Variants in PID1 observed in about 807,000 individuals in gnomAD.
PID1 encodes the protein phosphotyrosine interaction domain containing 1.
A neutral mutation model predicts 19.1 loss-of-function variants in PID1; 10 were observed. The observed-to-expected ratio is 0.52, with a 90% confidence interval of 0.32 to 0.89. PID1 has a LOEUF of 0.89. Ranked by LOEUF, PID1 falls within the 40% of genes least tolerant of loss-of-function variation. The pLI, the probability that PID1 is intolerant of heterozygous loss-of-function variation, is 0.03. For missense variants in PID1, 248 were observed against 285.3 expected, an observed-to-expected ratio of 0.87 and a Z score of 0.94; for synonymous variants, 130 against 116.0, an observed-to-expected ratio of 1.12 and a Z score of -0.78.
Position 229,271,202 on chromosome 2 carries a change from G to T in PID1, c.-159C>A. ...GCCGGGTGGGCGTAGGGGGCTGCGA[G>T]CAGGAGGAGGCGCGGCGCTCAGCTG... On this transcript the variant is annotated 5_prime_UTR_variant, in exon 1 of 3. Coordinates refer to ENST00000392055, the MANE Select transcript of PID1 (RefSeq NM_001100818.2). The T allele has an allele frequency of 1.5e-6, 1 of 662,042 alleles. No individual in the cohort carries two copies. The highest frequency in any genetic ancestry group is 2.4e-6 in the Non-Finnish European group (1 of 416,540). 41.0% of individuals were successfully genotyped at this position (662,042 alleles called of 1,614,324 possible).
intron 2 of PID1, among the ~76,000 whole-genome samples, chr2:229,111,324 A>C (rs1189311879): frequency 1.3e-5 from 2 of 152,214 alleles, no homozygotes; most frequent in African/African-American, 2.4e-5. Flanking sequence ...CCCAGGTAGG[A>C]GTGAGGCAGG....
intron 2 of PID1, among the ~76,000 whole-genome samples, chr2:229,120,230 T>C (rs1490161392): frequency 2.6e-5 from 4 of 152,168 alleles, no homozygotes; most frequent in Admixed American, 2.6e-4. Flanking sequence ...TAACTTTTGA[T>C]TCCCCCAAAA....
chr2:229,068,845 C>T (rs376516252), intron 2 of PID1, among the ~76,000 whole-genome samples: 16 of 152,174 alleles, frequency 1.1e-4, no homozygotes, highest in Admixed American at 7.9e-4. Flanking sequence ...ACAGAGGGTC[C>T]GCTATTTTTA....
chr2:229,083,305 A>G (rs1459759504), intron 2 of PID1, among the ~76,000 whole-genome samples: 1 of 152,330 alleles, frequency 6.6e-6, no homozygotes, highest in East Asian at 1.9e-4. Flanking sequence ...ACTGCCCAGC[A>G]CACCTAGGCC....
chr2:229,061,114 C>T (rs962338718), intron 2 of PID1, among the ~76,000 whole-genome samples: 1 of 151,908 alleles, frequency 6.6e-6, no homozygotes, highest in Non-Finnish European at 1.5e-5. Context: ...CATATTGATG[C>T]AATCTTATTT....
At chr2:229,053,814 G>A (rs1694042370) in intron 2 of PID1, among the ~76,000 whole-genome samples, 1 of 152,174 alleles carries the variant, frequency 6.6e-6, no homozygotes, top group South Asian at 2.1e-4. Flanking sequence ...TTTCTAAAAT[G>A]AAACCCAGCA....
chr2:229,125,717 C>A (rs1860763), intron 2 of PID1, among the ~76,000 whole-genome samples: 10,782 of 152,142 alleles, frequency 0.071, 544 homozygotes, highest in South Asian at 0.22. Context: ...GAAAATCTTC[C>A]CATTCCTTAA....
At chr2:229,071,094 A>G (rs1694441361) in intron 2 of PID1, among the ~76,000 whole-genome samples, 1 of 152,188 alleles carries the variant, frequency 6.6e-6, no homozygotes, top group South Asian at 2.1e-4. Flanking sequence ...ATGTTACTTG[A>G]TACCGACAAA....
At chr2:229,182,476 G>A (rs1690966363) in intron 1 of PID1, among the ~76,000 whole-genome samples, 1 of 151,960 alleles carries the variant, frequency 6.6e-6, no homozygotes, top group African/African-American at 2.4e-5. Flanking sequence ...AAAATCTTAG[G>A]TACTTAGAGG....
At chr2:229,110,330 T>C (rs972532722) in intron 2 of PID1, among the ~76,000 whole-genome samples, 2 of 152,114 alleles carry the variant, frequency 1.3e-5, no homozygotes, top group South Asian at 2.1e-4. Context: ...CAAAATGGGA[T>C]AGATGAGGAC....
At chr2:229,154,646 A>G (rs1690328091) in intron 2 of PID1, among the ~76,000 whole-genome samples, 1 of 152,192 alleles carries the variant, frequency 6.6e-6, no homozygotes, top group African/African-American at 2.4e-5. Context: ...ACCTGACCAC[A>G]GCTATGCGAG....
intron 2 of PID1, among the ~76,000 whole-genome samples, chr2:229,146,516 G>C (rs1406118470): frequency 6.9e-6 from 1 of 145,928 alleles, no homozygotes; most frequent in African/African-American, 2.6e-5. Context: ...ATTATGAACT[G>C]TGAACATTTT....
intron 2 of PID1, among the ~76,000 whole-genome samples, chr2:229,119,842 G>C (rs1323477642): frequency 6.6e-6 from 1 of 152,152 alleles, no homozygotes; most frequent in African/African-American, 2.4e-5. Context: ...CACGTAATCT[G>C]TTGAGGGCCT....
Position 229,027,873 on chromosome 2 carries a change from G to A in PID1, c.178-1765C>T, listed in dbSNP as rs150340444. ...CCTTTGCAGGATCGCCCCACATGTG[G>A]TCTGAGGAATCGGGGCGTCGTTGCT... On this transcript the variant is annotated intron_variant, in intron 2 of 2. Transcript: ENST00000392055. Among the ~76,000 whole-genome samples, 220 of 152,300 alleles carry A rather than the reference G, an allele frequency of 1.4e-3. 1 individual carries two copies. Among genetic ancestry groups the A allele is most frequent in the Middle Eastern group, 6.8e-3 (2 of 294 alleles).
chr2:229,194,123 C>A (rs1184640216), intron 1 of PID1, among the ~76,000 whole-genome samples: 5 of 152,082 alleles, frequency 3.3e-5, no homozygotes, highest in African/African-American at 1.2e-4. Flanking sequence ...AGAATTGACC[C>A]ATAGTTATTC....
At chr2:229,048,330 T>C (rs1234595194) in intron 2 of PID1, among the ~76,000 whole-genome samples, 1 of 152,204 alleles carries the variant, frequency 6.6e-6, no homozygotes, top group African/African-American at 2.4e-5. Context: ...CAATCTGCAC[T>C]GCAGCCCTCA....
chr2:229,057,366 G>C (rs1054046874), intron 2 of PID1, among the ~76,000 whole-genome samples: 1 of 151,406 alleles, frequency 6.6e-6, no homozygotes, highest in African/African-American at 2.4e-5. Flanking sequence ...GGAGGCCGGA[G>C]AGTCGCTTGA....
intron 1 of PID1, among the ~76,000 whole-genome samples, chr2:229,178,109 A>G (rs1330988149): frequency 6.6e-6 from 1 of 152,234 alleles, no homozygotes; most frequent in Non-Finnish European, 1.5e-5. Flanking sequence ...TCTACTTAAT[A>G]AAAATAGTCA....
At chr2:229,040,052 G>A (rs563252559) in intron 2 of PID1, among the ~76,000 whole-genome samples, 12 of 151,386 alleles carry the variant, frequency 7.9e-5, no homozygotes, top group Non-Finnish European at 1.5e-4. Flanking sequence ...ACTATTCCAC[G>A]TGTGAAAAGG....
Sources: gnomAD v4.1 joint callset for allele counts (sites outside exome capture counted in the v4.1 genomes callset) on GRCh38, gnomAD v4.1.1 for gene constraint, MANE v1.5 for transcripts, NCBI Gene and HGNC (gene_info 2026-07-23, HGNC 2026-07-21) for gene names.